Variants in NTN1 observed in about 807,000 individuals in gnomAD.
The protein encoded by NTN1 is netrin-1.
Under a neutral mutation model 54.2 loss-of-function variants are expected in NTN1, and 11 were observed. The observed-to-expected ratio is 0.20, with a 90% confidence interval of 0.13 to 0.34. The LOEUF (loss-of-function observed/expected upper bound fraction) is 0.34. Ranked by LOEUF, NTN1 falls within the 10% of genes least tolerant of loss-of-function variation. NTN1 has a pLI of 1.00. For synonymous variants in NTN1, 371 were observed against 382.0 expected (o/e 0.97, Z 0.33); for missense variants, 740 against 893.1 (o/e 0.83, Z 2.18).
At chr17:9,026,162 A>G (rs2091869901) in intron 2 of NTN1, among the ~76,000 whole-genome samples, 1 of 152,088 alleles carries the variant, frequency 6.6e-6, no homozygotes, top group Non-Finnish European at 1.5e-5. Flanking sequence ...ACCCTCCCGC[A>G]AAGAAAACCC....
intron 2 of NTN1, among the ~76,000 whole-genome samples, 159 bp from the exon 3 acceptor site, chr17:9,162,654 A>G (rs552590688): frequency 2.0e-5 from 3 of 152,236 alleles, no homozygotes; most frequent in African/African-American, 7.2e-5. Flanking sequence ...GGGTACAAAC[A>G]GGAGGAGCCG....
intron 2 of NTN1, among the ~76,000 whole-genome samples, chr17:9,094,341 C>A (rs1224106495): frequency 2.0e-5 from 3 of 151,918 alleles, no homozygotes; most frequent in African/African-American, 7.3e-5. Flanking sequence ...GGAGCTAAAC[C>A]TCTGTGTGTC....
At position 9,221,063 on chromosome 17, in the gene NTN1, C is replaced by T; in HGVS notation, c.1412-105C>T. The T allele has an allele frequency of 1.2e-6, 1 of 862,804 alleles. No homozygotes were observed. Among genetic ancestry groups the T allele is most frequent in the South Asian group, 1.4e-5 (1 of 72,530 alleles). 53.4% of individuals were successfully genotyped at this position (862,804 alleles called of 1,614,324 possible). Reference sequence around the variant, plus strand: ...CGCCCGGCCTGGCCCATGGGTATCACAGGCCTCTGGCTATTTAGGGAGGCG... The same window carrying T: ...CGCCCGGCCTGGCCCATGGGTATCATAGGCCTCTGGCTATTTAGGGAGGCG... On this transcript the variant is annotated intron_variant, in intron 5 of 6. Transcript: ENST00000173229. The surrounding 1 kb of genome is among the most constrained non-coding windows in gnomAD (Gnocchi z 4.5).
At chr17:9,206,584 G>C (rs1255966259) in intron 5 of NTN1, among the ~76,000 whole-genome samples, 1 of 152,158 alleles carries the variant, frequency 6.6e-6, no homozygotes, top group African/African-American at 2.4e-5. Context: ...GGGGGTCCCG[G>C]TGCACTAGGC....
chr17:9,195,151 G>A (rs1007836181), intron 5 of NTN1, among the ~76,000 whole-genome samples: 2 of 151,980 alleles, frequency 1.3e-5, no homozygotes, highest in African/African-American at 4.8e-5. Flanking sequence ...AAGGGCTGGG[G>A]CAGAGGTCAG....
intron 6 of NTN1, among the ~76,000 whole-genome samples, chr17:9,226,430 G>A (rs866271460): frequency 3.1e-5 from 3 of 96,794 alleles, no homozygotes; most frequent in Middle Eastern, 4.5e-3. Flanking sequence ...GCGGTCTCGT[G>A]GGGAGGCGGT....
intron 5 of NTN1, among the ~76,000 whole-genome samples, chr17:9,185,935 T>G (rs1346677956): frequency 6.6e-6 from 1 of 152,184 alleles, no homozygotes; most frequent in Non-Finnish European, 1.5e-5. Context: ...TTCTGCCTTC[T>G]GGAAGAATGA....
chr17:9,209,392 G>T (rs766554657), intron 5 of NTN1, among the ~76,000 whole-genome samples: 46 of 152,226 alleles, frequency 3.0e-4, no homozygotes, highest in Non-Finnish European at 6.0e-4. Flanking sequence ...GAGGAAGAAA[G>T]GAAAATCGAT....
At chr17:9,141,245 T>G (rs2092296808) in intron 2 of NTN1, among the ~76,000 whole-genome samples, 1 of 145,140 alleles carries the variant, frequency 6.9e-6, no homozygotes, top group African/African-American at 2.5e-5. Flanking sequence ...GATAGCGAAG[T>G]AAGAGGAGAG....
Position 9,071,019 on chromosome 17 carries a change from C to T in NTN1, c.1018+47628C>T, listed in dbSNP as rs377041541. Reference sequence around the variant, plus strand: ...TCAGACCATTCCCATGCTGCGTGTCCGCCACGTTGCTTCCACAGAGCCTCT... The same window carrying T: ...TCAGACCATTCCCATGCTGCGTGTCTGCCACGTTGCTTCCACAGAGCCTCT... On this transcript the variant is annotated intron_variant, in intron 2 of 6. Coordinates refer to ENST00000173229, the MANE Select transcript of NTN1 (RefSeq NM_004822.3). 8.5e-5 allele frequency among the ~76,000 whole-genome samples: 13 copies of T among 152,204 alleles called. No homozygotes were observed. The South Asian group carries it at 1.7e-3, about 19-fold the overall frequency.
intron 2 of NTN1, among the ~76,000 whole-genome samples, chr17:9,051,311 A>G (rs929161631): frequency 1.3e-4 from 20 of 151,936 alleles, no homozygotes; most frequent in Admixed American, 7.2e-4. Context: ...CCCGGTAAAC[A>G]CTCCAGGAAT....
At chr17:9,133,094 C>T (rs1212610784) in intron 2 of NTN1, among the ~76,000 whole-genome samples, 4 of 142,850 alleles carry the variant, frequency 2.8e-5, no homozygotes, top group African/African-American at 5.2e-5. Context: ...TCACCCAGTG[C>T]GAGCCACCGA....
At position 9,238,457 on chromosome 17, in the gene NTN1, G is replaced by C. The variant is rs551076447; in HGVS notation, c.1487-1183G>C. 1.9e-3 allele frequency among the ~76,000 whole-genome samples: 287 copies of C among 152,256 alleles called. 1 individual carries two copies. Among genetic ancestry groups the C allele is most frequent in the African/African-American group, 6.7e-3 (280 of 41,538 alleles). Reference sequence around the variant, plus strand: ...GAGTGAGTGGATGGCTGTTTCTCTTGAACAGAGGTGAGTACAGCAGAGGCC... The same window carrying C: ...GAGTGAGTGGATGGCTGTTTCTCTTCAACAGAGGTGAGTACAGCAGAGGCC... On this transcript the variant is annotated intron_variant, in intron 6 of 6. Coordinates refer to ENST00000173229, the MANE Select transcript of NTN1 (RefSeq NM_004822.3).
intron 5 of NTN1, among the ~76,000 whole-genome samples, chr17:9,201,703 T>C (rs1214949409): frequency 6.6e-6 from 1 of 152,154 alleles, no homozygotes; most frequent in Non-Finnish European, 1.5e-5. Context: ...CTTGGGGATC[T>C]GTGGGATCCA....
chr17:9,089,403 A>G (rs1464035657), intron 2 of NTN1, among the ~76,000 whole-genome samples: 1 of 109,224 alleles, frequency 9.2e-6, no homozygotes, highest in Admixed American at 1.1e-4. Flanking sequence ...CGGCAGAGCA[A>G]GATTCCATCT....
intron 2 of NTN1, among the ~76,000 whole-genome samples, chr17:9,064,316 A>G (rs907590739): frequency 6.6e-6 from 1 of 151,968 alleles, no homozygotes; most frequent in African/African-American, 2.4e-5. Context: ...CCCTGTACAC[A>G]TTCTCTCTGT....
In NTN1 at chr17:9,143,023, G is replaced by A. The variant is rs142660492; in HGVS notation, c.1019-19790G>A. 2.6e-3 allele frequency among the ~76,000 whole-genome samples: 400 copies of A among 152,298 alleles called. 1 individual carries two copies. Among genetic ancestry groups the A allele is most frequent in the Non-Finnish European group, 4.2e-3 (286 of 68,022 alleles). Reference sequence around the variant, plus strand: ...TTGGTATTTTAAGTGGCATGGTCAGGGCAGGCCTCGCTGGGAAGTGACAAA... The same window carrying A: ...TTGGTATTTTAAGTGGCATGGTCAGAGCAGGCCTCGCTGGGAAGTGACAAA... On this transcript the variant is annotated intron_variant, in intron 2 of 6. Coordinates refer to ENST00000173229, the MANE Select transcript of NTN1 (RefSeq NM_004822.3).
chr17:9,046,008 G>C (rs2091940250), intron 2 of NTN1, among the ~76,000 whole-genome samples: 1 of 152,184 alleles, frequency 6.6e-6, no homozygotes, highest in African/African-American at 2.4e-5. Context: ...TAGACCACTT[G>C]AATCAAATTC....
intron 2 of NTN1, among the ~76,000 whole-genome samples, chr17:9,126,081 C>T (rs867751132): frequency 6.6e-6 from 1 of 152,214 alleles, no homozygotes; most frequent in Non-Finnish European, 1.5e-5. Flanking sequence ...GAATGAACGA[C>T]GCATGGGGTG....
Sources: allele counts gnomAD v4.1 joint callset (sites outside exome capture counted in the v4.1 genomes callset), GRCh38; gene constraint gnomAD v4.1.1; non-coding constraint Gnocchi (gnomAD v3.1); transcripts MANE v1.5; gene names NCBI Gene and HGNC (gene_info 2026-07-23, HGNC 2026-07-21).